Variants in DECR1 observed in about 807,000 individuals in gnomAD.
DECR1 encodes the protein 2,4-dienoyl-CoA reductase 1.
In DECR1, 44 loss-of-function variants were observed where a neutral mutation model predicts 38.8. The ratio of observed to expected loss-of-function variants is 1.13; its 90% CI spans 0.89 to 1.46. DECR1 has a LOEUF of 1.46. Ranked by LOEUF, DECR1 falls within the 40% of genes most tolerant of loss-of-function variation. The pLI is 0.00. For synonymous variants in DECR1, 148 were observed against 135.2 expected, an observed-to-expected ratio of 1.09 and a Z score of -0.66; for missense variants, 428 against 405.5, an observed-to-expected ratio of 1.06 and a Z score of -0.48.
At chr8:90,031,496 A>G (rs533055292) in intron 5 of DECR1, among the ~76,000 whole-genome samples, 10 of 152,300 alleles carry the variant, frequency 6.6e-5, no homozygotes, top group African/African-American at 2.4e-4. Flanking sequence ...ACATATTTAT[A>G]TTAAATGTTT....
At chr8:90,026,915 T>A (rs2130088782) in intron 5 of DECR1, among the ~76,000 whole-genome samples, 1 of 152,356 alleles carries the variant, frequency 6.6e-6, no homozygotes, top group Admixed American at 6.5e-5. Context: ...GATTCTGGTA[T>A]GTTGTGTCTT....
chr8:90,020,819 T>G (rs531314356), intron 4 of DECR1, 90 bp from the exon 5 acceptor site: 2 of 1,018,138 alleles, frequency 2.0e-6, no homozygotes, highest in South Asian at 4.5e-5. Flanking sequence ...ATTGTATTAT[T>G]TCTATTAATA....
chr8:90,020,885 T>C, intron 4 of DECR1, 24 bp from the exon 5 acceptor site: 1 of 1,502,800 alleles, frequency 6.7e-7, no homozygotes, highest in South Asian at 1.3e-5. Flanking sequence ...AAAGTTTCTG[T>C]AACTTGCCTT....
At chr8:90,029,354 A>T (rs545818933) in intron 5 of DECR1, 2 of 152,212 alleles carry the variant, frequency 1.3e-5, no homozygotes, top group African/African-American at 4.8e-5. Flanking sequence ...CTTTGGTGGA[A>T]ATAACTTTTA....
At chr8:90,043,562 A>G (rs567065066) in intron 7 of DECR1, among the ~76,000 whole-genome samples, 97 of 152,218 alleles carry the variant, frequency 6.4e-4, no homozygotes, top group Non-Finnish European at 1.1e-3. Flanking sequence ...AAAATTTGGT[A>G]ACTTGTTTCA....
chr8:90,044,616 G>A (rs1813837654), intron 7 of DECR1, among the ~76,000 whole-genome samples: 2 of 152,086 alleles, frequency 1.3e-5, no homozygotes, highest in African/African-American at 2.4e-5. Context: ...ATTTTGTGAG[G>A]TAACTAAGAT....
At chr8:90,048,315 A>C (rs1472186611) in intron 8 of DECR1, among the ~76,000 whole-genome samples, 1 of 152,206 alleles carries the variant, frequency 6.6e-6, no homozygotes, top group Non-Finnish European at 1.5e-5. Flanking sequence ...GAAAAGAGTG[A>C]AGAATCAAAT....
In DECR1 at chr8:90,017,389, T is replaced by C. The variant is rs557009714; in HGVS notation, c.272+63T>C. 28 of 1,289,776 alleles carry C rather than the reference T, an allele frequency of 2.2e-5. No individual in the cohort carries two copies. In the East Asian group the frequency reaches 6.6e-4, roughly 31 times the overall value. 79.9% of individuals were successfully genotyped at this position (1,289,776 alleles called of 1,614,324 possible). A position where few individuals can be genotyped will look rare whatever the true frequency, so the allele number is the denominator to read the frequency against. On this transcript the variant is annotated intron_variant, in intron 2 of 9. Coordinates refer to ENST00000220764, the MANE Select transcript of DECR1 (RefSeq NM_001359.2). ...GAAGAAACTGTTCTGTGCCATAGTA[T>C]TGAAAACACTGTTCGCCAGAGTTGT...
At chr8:90,003,580 T>A (rs1028944033) in intron 1 of DECR1, among the ~76,000 whole-genome samples, 6 of 152,332 alleles carry the variant, frequency 3.9e-5, no homozygotes, top group African/African-American at 1.4e-4. Context: ...CTTTGGCAAT[T>A]TGTGGTTGAA....
At chr8:90,037,502 A>C (rs1012607234) in intron 6 of DECR1, among the ~76,000 whole-genome samples, 6 of 149,764 alleles carry the variant, frequency 4.0e-5, no homozygotes, top group South Asian at 2.1e-4. Context: ...GCTGGATTGC[A>C]GTGGTGCAAT....
chr8:90,026,046 A>G (rs1813326836), intron 5 of DECR1, among the ~76,000 whole-genome samples: 1 of 152,150 alleles, frequency 6.6e-6, no homozygotes, highest in Admixed American at 6.5e-5. Flanking sequence ...ATAATGTTGA[A>G]CCAGCCTTGC....
At chr8:90,030,597 C>CCAGT (rs1315438375) in intron 5 of DECR1, 1 of 152,166 alleles carries the variant, frequency 6.6e-6, no homozygotes, top group Non-Finnish European at 1.5e-5. Flanking sequence ...GAAAAGATGA[C>CCAGT]CAGTCATTGA....
At position 90,017,270 on chromosome 8, in the gene DECR1, T is replaced by C; in HGVS notation, c.216T>C (p.Gly72=). ...AFITGGGTGL[G]KGMTTLLSSL... ...TTACTGGGGGAGGTACTGGCCTTGG[T>C]AAAGGAATGACAACTCTTCTGTCCA... The change falls in exon 2 of 10, where the codon GGT becomes GGC. Residue 72 remains glycine, a synonymous_variant. Coordinates refer to ENST00000220764, the MANE Select transcript of DECR1 (RefSeq NM_001359.2). 1 of 1,614,148 alleles carries C rather than the reference T, an allele frequency of 6.2e-7. No individual in the cohort carries two copies. The highest frequency in any genetic ancestry group is 1.1e-5 in the South Asian group (1 of 91,082).
At chr8:90,034,715 G>A (rs979337040) in intron 5 of DECR1, among the ~76,000 whole-genome samples, 1 of 152,140 alleles carries the variant, frequency 6.6e-6, no homozygotes, top group Non-Finnish European at 1.5e-5. Flanking sequence ...GTCTCCCAAA[G>A]TGCTGGGATT....
At position 90,044,850 on chromosome 8, in the gene DECR1, G is replaced by T. The variant is rs1813846968; in HGVS notation, c.740G>T (p.Gly247Val). The change falls in exon 8 of 10, where the codon GGT becomes GTT. Residue 247 changes from glycine (G) to valine (V), a missense_variant and splice_region_variant. Coordinates refer to ENST00000220764, the MANE Select transcript of DECR1 (RefSeq NM_001359.2). ...VIQPGPIKTK[G>V]AFSRLDPTGT... Reference sequence around the variant, plus strand: ...CTAATTGTTTTCTTAATTTCTAAGGGTGCCTTTAGCCGTCTGGACCCAACT... The same window carrying T: ...CTAATTGTTTTCTTAATTTCTAAGGTTGCCTTTAGCCGTCTGGACCCAACT... The T allele has an allele frequency of 1.9e-6, 3 of 1,605,100 alleles. No homozygotes were observed. Among genetic ancestry groups the T allele is most frequent in the Admixed American group, 3.4e-5 (2 of 57,976 alleles).
intron 5 of DECR1, among the ~76,000 whole-genome samples, chr8:90,025,265 A>T (rs1186298180): frequency 2.0e-5 from 3 of 152,114 alleles, no homozygotes; most frequent in Non-Finnish European, 4.4e-5. Context: ...GAAGAAAGTC[A>T]TTGGTAGCTT....
rs1327484826 is a variant in DECR1, at chr8:90,053,000, T to G, written c.*1103T>G. 6.6e-6 allele frequency among the ~76,000 whole-genome samples: 1 copy of G among 152,208 alleles called. No homozygotes were observed. The highest frequency in any genetic ancestry group is 2.4e-5 in the African/African-American group (1 of 41,446). On this transcript the variant is annotated 3_prime_UTR_variant, in exon 10 of 10. Transcript: ENST00000220764. ...TGTACATAAATTACATTTATTACAT[T>G]TAATTGTGTATATATAGGGGATGTT...
At chr8:90,012,431 G>T (rs996455662) in intron 1 of DECR1, among the ~76,000 whole-genome samples, 1 of 152,088 alleles carries the variant, frequency 6.6e-6, no homozygotes, top group Non-Finnish European at 1.5e-5. Context: ...GGGATTACAG[G>T]TGTTAGCTAC....
chr8:90,045,954 G>T (rs1813889349), intron 8 of DECR1, among the ~76,000 whole-genome samples: 1 of 152,214 alleles, frequency 6.6e-6, no homozygotes, highest in Admixed American at 6.5e-5. Context: ...AACTCCAACA[G>T]ACCTGCAGCT....
Sources: allele counts gnomAD v4.1 joint callset (sites outside exome capture counted in the v4.1 genomes callset), GRCh38; gene constraint gnomAD v4.1.1; transcripts MANE v1.5; gene names NCBI Gene and HGNC (gene_info 2026-07-23, HGNC 2026-07-21).